HUNK: variants seen among roughly 807,000 people sequenced by gnomAD.
The protein encoded by HUNK is hormonally up-regulated Neu-associated kinase, also known as hormonally up-regulated neu tumor-associated kinase.
A neutral mutation model predicts 61.0 loss-of-function variants in HUNK; 21 were observed. That is an observed-to-expected ratio of 0.34 (90% CI 0.24 to 0.50). HUNK has a LOEUF of 0.50. Ranked by LOEUF, HUNK falls within the 20% of genes least tolerant of loss-of-function variation. The pLI is 0.98. For missense variants in HUNK, 772 were observed against 945.7 expected (o/e 0.82, Z 2.41); for synonymous variants, 371 against 386.1 (o/e 0.96, Z 0.46).
chr21:31,964,850 A>G (rs972940661), intron 5 of HUNK, among the ~76,000 whole-genome samples: 2 of 152,190 alleles, frequency 1.3e-5, no homozygotes, highest in Non-Finnish European at 2.9e-5. Context: ...ATGCACATCT[A>G]GTTTGTCCTT....
intron 1 of HUNK, among the ~76,000 whole-genome samples, chr21:31,917,602 C>T (rs1036077092): frequency 6.6e-6 from 1 of 151,776 alleles, no homozygotes; most frequent in African/African-American, 2.4e-5. Flanking sequence ...TGATGAGTCT[C>T]GGTTTTACTG....
At position 31,946,542 on chromosome 21, in the gene HUNK, G is replaced by A. The variant is rs141465883; in HGVS notation, c.746+371G>A. Among the ~76,000 whole-genome samples the A allele has an allele frequency of 9.6e-4, 146 of 152,096 alleles. 2 individuals carry two copies. In the East Asian group the frequency reaches 0.022, roughly 23 times the overall value. On this transcript the variant is annotated intron_variant, in intron 4 of 10. Coordinates refer to ENST00000270112, the MANE Select transcript of HUNK (RefSeq NM_014586.2). ...CCTGTGCTCCTTGCGGGACTTGCTC[G>A]CCCATCTCTCCTACCCCCTGTCCTG...
At chr21:31,899,133 T>TC (rs60977716) in intron 1 of HUNK, among the ~76,000 whole-genome samples, 35,274 of 152,000 alleles carry the variant, frequency 0.23, 5,030 homozygotes, top group Admixed American at 0.37. Flanking sequence ...GGCAACGACT[T>TC]CCTGCTGCAC....
At chr21:31,980,693 G>A (rs1241789504) in intron 7 of HUNK, among the ~76,000 whole-genome samples, 3 of 149,604 alleles carry the variant, frequency 2.0e-5, no homozygotes, top group Admixed American at 6.6e-5. Flanking sequence ...CACCATGCCC[G>A]GCCTGGGCCT....
At chr21:31,892,241 A>G (rs1224534651) in intron 1 of HUNK, among the ~76,000 whole-genome samples, 1 of 132,518 alleles carries the variant, frequency 7.5e-6, no homozygotes, top group East Asian at 2.1e-4. Context: ...TACAGCACGT[A>G]GCCTGAAAAT....
intron 4 of HUNK, among the ~76,000 whole-genome samples, chr21:31,950,657 C>G (rs766964643): frequency 2.0e-5 from 3 of 152,116 alleles, no homozygotes; most frequent in African/African-American, 7.2e-5. Flanking sequence ...GATTTTGTGT[C>G]TGAGATACAA....
At chr21:31,930,290 C>A (rs1004883787) in intron 2 of HUNK, among the ~76,000 whole-genome samples, 2 of 152,188 alleles carry the variant, frequency 1.3e-5, no homozygotes, top group African/African-American at 4.8e-5. Context: ...TTAAATAAGT[C>A]AATCTGCATA....
At chr21:31,972,878 G>T (rs879707085) in intron 6 of HUNK, among the ~76,000 whole-genome samples, 13 of 152,002 alleles carry the variant, frequency 8.6e-5, no homozygotes, top group Admixed American at 2.6e-4. Context: ...TACACCGACC[G>T]GTGGCAGGCA....
chr21:31,956,918 A>G (rs1286344659), intron 4 of HUNK, among the ~76,000 whole-genome samples: 1 of 152,064 alleles, frequency 6.6e-6, no homozygotes, highest in Non-Finnish European at 1.5e-5. Flanking sequence ...ATGCCACCCA[A>G]ATAGCTCTAT....
intron 2 of HUNK, among the ~76,000 whole-genome samples, chr21:31,935,854 G>C (rs557223771): frequency 6.6e-6 from 1 of 152,058 alleles, no homozygotes; most frequent in Admixed American, 6.5e-5. Flanking sequence ...GTCTCACTCT[G>C]TCGCCCTAGG....
At chr21:31,884,918 C>T (rs1170668870) in intron 1 of HUNK, among the ~76,000 whole-genome samples, 2 of 151,998 alleles carry the variant, frequency 1.3e-5, no homozygotes, top group Non-Finnish European at 1.5e-5. Context: ...GCTGGGACTA[C>T]AGGTGCGTGC....
intron 1 of HUNK, among the ~76,000 whole-genome samples, chr21:31,901,360 C>A (rs753511562): frequency 3.3e-5 from 5 of 152,150 alleles, no homozygotes; most frequent in Non-Finnish European, 7.3e-5. Flanking sequence ...TGACCATCTT[C>A]ACCTGTACTG....
intron 5 of HUNK, among the ~76,000 whole-genome samples, chr21:31,964,998 C>G (rs570644255): frequency 6.6e-6 from 1 of 152,230 alleles, no homozygotes; most frequent in East Asian, 1.9e-4. Context: ...ACAGCCCACC[C>G]GCTCCAATTC....
intron 7 of HUNK, among the ~76,000 whole-genome samples, chr21:31,975,142 A>G (rs1164312323): frequency 4.6e-5 from 7 of 152,078 alleles, no homozygotes; most frequent in Admixed American, 4.6e-4. Context: ...GAAAGCCACT[A>G]TTTAGGTTTA....
intron 2 of HUNK, among the ~76,000 whole-genome samples, chr21:31,937,379 T>A (rs1477238453): frequency 6.6e-6 from 1 of 152,250 alleles, no homozygotes; most frequent in Non-Finnish European, 1.5e-5. Flanking sequence ...TAATAACTTC[T>A]AGAGATACGG....
chr21:31,996,010 C>G, intron 10 of HUNK, 62 bp downstream of exon 10: 4 of 1,257,382 alleles, frequency 3.2e-6, no homozygotes, highest in Non-Finnish European at 4.5e-6. Flanking sequence ...CGCTGTGTAG[C>G]CCTCACAGGG....
At chr21:31,946,201 T>C in intron 4 of HUNK, 30 bp downstream of exon 4, 4 of 1,599,346 alleles carry the variant, frequency 2.5e-6, no homozygotes, top group Non-Finnish European at 2.6e-6. Context: ...AAAGTCAGTG[T>C]TCCTCCTGCT....
rs569723524 is a variant in HUNK, at chr21:31,915,511, C to T, written c.262-8957C>T. 3.3e-5 allele frequency among the ~76,000 whole-genome samples: 5 copies of T among 152,222 alleles called. No individual in the cohort carries two copies. In the South Asian group the frequency reaches 1.0e-3, roughly 32 times the overall value. On this transcript the variant is annotated intron_variant, in intron 1 of 10. Coordinates refer to ENST00000270112, the MANE Select transcript of HUNK (RefSeq NM_014586.2). ...ACAGCACATTGTATAATGTGTAAAA[C>T]ACATATGTATATTTCTGCGATATTA...
chr21:31,916,007 C>G (rs1297918618), intron 1 of HUNK, among the ~76,000 whole-genome samples: 1 of 149,292 alleles, frequency 6.7e-6, no homozygotes, highest in Non-Finnish European at 1.5e-5. Flanking sequence ...ATTTAAGGAG[C>G]ACTTCGTATG....
Sources: allele counts gnomAD v4.1 joint callset (sites outside exome capture counted in the v4.1 genomes callset), GRCh38; gene constraint gnomAD v4.1.1; transcripts MANE v1.5; gene names NCBI Gene and HGNC (gene_info 2026-07-23, HGNC 2026-07-21).